KCNH8: variants seen among roughly 807,000 people sequenced by gnomAD.
KCNH8 encodes the protein potassium voltage-gated channel subfamily H member 8, also known as voltage-gated delayed rectifier potassium channel KCNH8.
A neutral mutation model predicts 103.6 loss-of-function variants in KCNH8; 70 were observed. The ratio of observed to expected loss-of-function variants is 0.68; its 90% confidence interval spans 0.56 to 0.82. The LOEUF is 0.82. KCNH8 is among the 40% of genes least tolerant of loss of function. The probability of loss-of-function intolerance (pLI) is 0.00; values close to 1 mark genes in which losing one functional copy is unlikely to be tolerated. For synonymous variants in KCNH8, 498 were observed against 489.4 expected, an observed-to-expected ratio of 1.02 and a Z score of -0.23; for missense variants, 1,217 against 1,329.9, an observed-to-expected ratio of 0.92 and a Z score of 1.32.
intron 8 of KCNH8, among the ~76,000 whole-genome samples, chr3:19,440,653 C>T (rs1006156740): frequency 2.6e-5 from 4 of 152,140 alleles, no homozygotes; most frequent in Non-Finnish European, 5.9e-5. Context: ...ATGGGAGCTA[C>T]AATTCAAGGT....
At chr3:19,373,043 G>T (rs2066127496) in intron 5 of KCNH8, among the ~76,000 whole-genome samples, 1 of 151,860 alleles carries the variant, frequency 6.6e-6, no homozygotes, top group Non-Finnish European at 1.5e-5. Context: ...TTGCATCAAT[G>T]TTCATCAAGG....
At chr3:19,397,658 A>G (rs1449083382) in intron 7 of KCNH8, among the ~76,000 whole-genome samples, 1 of 151,740 alleles carries the variant, frequency 6.6e-6, no homozygotes, top group African/African-American at 2.4e-5. Context: ...ATGTCAAATA[A>G]TTGATAATCT....
intron 3 of KCNH8, among the ~76,000 whole-genome samples, chr3:19,293,555 C>T (rs1054218088): frequency 6.6e-6 from 1 of 152,166 alleles, no homozygotes; most frequent in Non-Finnish European, 1.5e-5. Context: ...GACTCACATG[C>T]ATATCCAAGT....
intron 11 of KCNH8, among the ~76,000 whole-genome samples, chr3:19,497,954 G>T (rs547076760): frequency 6.6e-6 from 1 of 152,226 alleles, no homozygotes; most frequent in African/African-American, 2.4e-5. Context: ...AGGATAGTTA[G>T]GTCTTCTTGT....
chr3:19,429,231 T>C (rs535345444), intron 7 of KCNH8, among the ~76,000 whole-genome samples: 1 of 142,934 alleles, frequency 7.0e-6, no homozygotes, highest in Non-Finnish European at 1.5e-5. Context: ...TGGAGTGCAG[T>C]GGCGCGATCT....
chr3:19,338,415 C>G (rs1487127062), intron 3 of KCNH8, among the ~76,000 whole-genome samples: 2 of 152,092 alleles, frequency 1.3e-5, no homozygotes, highest in East Asian at 3.9e-4. Flanking sequence ...CCACTACCAC[C>G]ACCACTCTGT....
intron 1 of KCNH8, among the ~76,000 whole-genome samples, chr3:19,252,421 C>T (rs2064290820): frequency 6.6e-6 from 1 of 150,974 alleles, no homozygotes; most frequent in Non-Finnish European, 1.5e-5. Context: ...CGGAGTTTCG[C>T]TCTTGTTGCC....
At chr3:19,510,199 G>A (rs550144282) in intron 11 of KCNH8, among the ~76,000 whole-genome samples, 164 bp from the exon 12 acceptor site, 1 of 152,200 alleles carries the variant, frequency 6.6e-6, no homozygotes, top group East Asian at 1.9e-4. Context: ...TGTAGAAGGT[G>A]TTTTCTCTTC....
In KCNH8 at chr3:19,438,270, G is replaced by A. The variant is rs769829596; in HGVS notation, c.1284G>A (p.Thr428=). ...RSAYIAALYF[T]LSSLTSVGFG... ...CCTATATTGCCGCTCTGTACTTCAC[G>A]CTGAGCAGCCTCACCAGCGTGGGTT... Residue 428 remains threonine (T), a synonymous_variant, in exon 8 of 16, where the codon ACG becomes ACA. Transcript: ENST00000328405. 23 of 1,613,896 alleles carry A rather than the reference G, an allele frequency of 1.4e-5. No homozygotes were observed. The highest frequency in any genetic ancestry group is 5.3e-5 in the African/African-American group (4 of 74,878).
chr3:19,418,687 T>C (rs573330156), intron 7 of KCNH8, among the ~76,000 whole-genome samples: 14 of 152,260 alleles, frequency 9.2e-5, no homozygotes, highest in Middle Eastern at 3.4e-3. Context: ...CCCTAAGACA[T>C]ACCAAGACAG....
At chr3:19,396,903 T>G (rs2066527117) in intron 7 of KCNH8, among the ~76,000 whole-genome samples, 1 of 152,012 alleles carries the variant, frequency 6.6e-6, no homozygotes, top group Admixed American at 6.6e-5. Context: ...GATTCCTTTT[T>G]AGACCTGACC....
chr3:19,512,851 T>C, intron 12 of KCNH8, 119 bp from the exon 13 acceptor site: 1 of 884,854 alleles, frequency 1.1e-6, no homozygotes, highest in East Asian at 2.5e-5. Context: ...ACTTCAGTTT[T>C]AATGAAAAGT....
chr3:19,258,945 CTCTATATATATATATA>C (rs1340895736), intron 2 of KCNH8, among the ~76,000 whole-genome samples: 16 of 42,250 alleles, frequency 3.8e-4, no homozygotes, highest in African/African-American at 7.8e-4. Flanking sequence ...CTCTCTCTCT[CTCTATATATATATATA>C]TATATATATA....
intron 1 of KCNH8, among the ~76,000 whole-genome samples, chr3:19,203,797 T>C (rs2063686710): frequency 1.3e-5 from 2 of 152,096 alleles, no homozygotes; most frequent in Non-Finnish European, 2.9e-5. Context: ...CAATGCTTTT[T>C]AATATTTTCT....
chr3:19,290,097 G>C (rs924719783), intron 3 of KCNH8, among the ~76,000 whole-genome samples: 1 of 152,256 alleles, frequency 6.6e-6, no homozygotes, highest in Admixed American at 6.5e-5. Flanking sequence ...CATTGATTTT[G>C]TATCCTGAGA....
chr3:19,354,295 G>A (rs2065847253), intron 5 of KCNH8, among the ~76,000 whole-genome samples: 1 of 152,070 alleles, frequency 6.6e-6, no homozygotes, highest in Admixed American at 6.6e-5. Context: ...CGTGAAAATG[G>A]CCATACTGCC....
chr3:19,488,342 GTGT>G (rs2068253074), intron 11 of KCNH8, among the ~76,000 whole-genome samples: 1 of 152,192 alleles, frequency 6.6e-6, no homozygotes, highest in Admixed American at 6.5e-5. Flanking sequence ...GCCTGGCCTG[GTGT>G]TCGGCTTTCT....
intron 7 of KCNH8, among the ~76,000 whole-genome samples, chr3:19,422,699 G>T (rs148791522): frequency 5.3e-5 from 8 of 152,182 alleles, no homozygotes; most frequent in African/African-American, 1.9e-4. Context: ...TTAATTGAGT[G>T]CATATTAGGT....
intron 15 of KCNH8, among the ~76,000 whole-genome samples, chr3:19,527,605 C>T (rs1162819400): frequency 6.6e-6 from 1 of 152,038 alleles, no homozygotes; most frequent in African/African-American, 2.4e-5. Flanking sequence ...TGTAGGGCAA[C>T]AATAACTATT....
Sources: allele counts gnomAD v4.1 joint callset (sites outside exome capture counted in the v4.1 genomes callset), GRCh38; gene constraint gnomAD v4.1.1; transcripts MANE v1.5; gene names NCBI Gene and HGNC (gene_info 2026-07-23, HGNC 2026-07-21).